Variants in KCNN2 observed in about 807,000 individuals in gnomAD.
The protein encoded by KCNN2 is potassium calcium-activated channel subfamily N member 2, also known as small conductance calcium-activated potassium channel protein 2.
In KCNN2, 24 loss-of-function variants were observed where a neutral mutation model predicts 55.5. The ratio of observed to expected loss-of-function variants is 0.43; its 90% CI spans 0.31 to 0.61. The LOEUF (loss-of-function observed/expected upper bound fraction) is 0.61. Among genes scored for constraint, KCNN2 ranks in the 20% least tolerant of loss-of-function variants. The probability of loss-of-function intolerance (pLI) is 0.08; values close to 1 mark genes in which losing one functional copy is unlikely to be tolerated. For missense variants in KCNN2, 754 were observed against 853.6 expected, an observed-to-expected ratio of 0.88 and a Z score of 1.45; for synonymous variants, 431 against 336.1, an observed-to-expected ratio of 1.28 and a Z score of -3.09.
At chr5:114,217,697 G>A (rs1754035196) in intron 1 of KCNN2, among the ~76,000 whole-genome samples, 2 of 152,130 alleles carry the variant, frequency 1.3e-5, no homozygotes, top group South Asian at 4.1e-4. Flanking sequence ...GTGTGGTCAT[G>A]GCTTTTTAGG....
At chr5:114,482,853 G>A (rs536530748) in intron 5 of KCNN2, among the ~76,000 whole-genome samples, 12 of 152,182 alleles carry the variant, frequency 7.9e-5, no homozygotes, top group African/African-American at 2.6e-4. Flanking sequence ...ATGGTGGGAG[G>A]GAACAGCACA....
chr5:114,297,413 T>C (rs1433166858), intron 2 of KCNN2, among the ~76,000 whole-genome samples: 1 of 152,164 alleles, frequency 6.6e-6, no homozygotes, highest in East Asian at 1.9e-4. Flanking sequence ...TGAAATGATA[T>C]ATTGAATATT....
intron 1 of KCNN2, among the ~76,000 whole-genome samples, chr5:114,202,846 A>G (rs1175742761): frequency 6.6e-6 from 1 of 152,110 alleles, no homozygotes; most frequent in African/African-American, 2.4e-5. Flanking sequence ...TTGGCCTTCC[A>G]AAGTTCTGGG....
intron 2 of KCNN2, among the ~76,000 whole-genome samples, chr5:114,256,215 G>A (rs1231381045): frequency 2.0e-5 from 3 of 151,640 alleles, no homozygotes; most frequent in African/African-American, 7.3e-5. Context: ...TCCATGGTAT[G>A]GGTGTGTGTG....
intron 2 of KCNN2, among the ~76,000 whole-genome samples, chr5:114,307,584 A>G (rs1199068660): frequency 1.3e-5 from 2 of 152,188 alleles, no homozygotes. Context: ...TATAGGAGAC[A>G]ACTCTCACTG....
At chr5:114,296,234 G>T (rs1172555766) in intron 2 of KCNN2, among the ~76,000 whole-genome samples, 1 of 152,138 alleles carries the variant, frequency 6.6e-6, no homozygotes, top group Non-Finnish European at 1.5e-5. Context: ...ACCTCTTATA[G>T]CCTATCAGAA....
chr5:114,271,650 T>C (rs950837873), intron 2 of KCNN2, among the ~76,000 whole-genome samples: 3 of 152,206 alleles, frequency 2.0e-5, no homozygotes, highest in Admixed American at 1.3e-4. Context: ...TTCTTTTCAT[T>C]TCAACAGGTT....
chr5:114,261,017 G>A (rs1419537011), intron 2 of KCNN2, among the ~76,000 whole-genome samples: 1 of 152,062 alleles, frequency 6.6e-6, no homozygotes, highest in African/African-American at 2.4e-5. Context: ...TTATTTTTCT[G>A]GTGTGGTTAT....
chr5:114,369,859 A>G (rs1021038556), intron 2 of KCNN2, among the ~76,000 whole-genome samples: 3 of 152,042 alleles, frequency 2.0e-5, no homozygotes, highest in African/African-American at 4.8e-5. Context: ...AGAGTATCCA[A>G]CCTGTTTCTG....
chr5:114,470,893 A>G (rs1163012900), intron 4 of KCNN2, among the ~76,000 whole-genome samples: 1 of 152,150 alleles, frequency 6.6e-6, no homozygotes, highest in South Asian at 2.1e-4. Context: ...ATCCCTGGAG[A>G]TGAAGATTTG....
rs957814573 is a variant in KCNN2 at position 114,394,663 on chromosome 5, G to T, written c.1219-9775G>T. On this transcript the variant is annotated intron_variant, in intron 2 of 7. Coordinates refer to ENST00000673685, the MANE Select transcript of KCNN2 (RefSeq NM_021614.4). ...TCTATGTCTTTCAAACACTTGTATG[G>T]GTATGAGGCATGGGTTTAACTCTGC... Among the ~76,000 whole-genome samples, 7 of 152,216 alleles carry T rather than the reference G, an allele frequency of 4.6e-5. 1 individual carries two copies. In the Middle Eastern group the frequency reaches 0.01, roughly 222 times the overall value.
intron 1 of KCNN2, among the ~76,000 whole-genome samples, chr5:114,190,507 C>G (rs773236765): frequency 5.9e-5 from 9 of 151,894 alleles, no homozygotes; most frequent in Non-Finnish European, 1.2e-4. Context: ...CATTCATAAG[C>G]ACAAAAACTA....
At chr5:114,269,603 A>G (rs116030801) in intron 2 of KCNN2, among the ~76,000 whole-genome samples, 12,374 of 151,890 alleles carry the variant, frequency 0.081, 619 homozygotes, top group African/African-American at 0.14. Context: ...AACAAACTCC[A>G]ACTAGTTGCA....
At chr5:114,309,655 T>G (rs906349635) in intron 2 of KCNN2, among the ~76,000 whole-genome samples, 1 of 152,196 alleles carries the variant, frequency 6.6e-6, no homozygotes, top group Non-Finnish European at 1.5e-5. Context: ...CTATCATTCA[T>G]GCCAGGCTAG....
At chr5:114,153,731 T>C (rs139836284) in intron 1 of KCNN2, among the ~76,000 whole-genome samples, 32 of 152,224 alleles carry the variant, frequency 2.1e-4, no homozygotes, top group African/African-American at 7.2e-4. Context: ...CAAATATCCC[T>C]GAAAAGATGG....
At chr5:114,151,069 C>T (rs1253183859) in intron 1 of KCNN2, among the ~76,000 whole-genome samples, 1 of 150,142 alleles carries the variant, frequency 6.7e-6, no homozygotes, top group African/African-American at 2.4e-5. Context: ...AGCAAGATTC[C>T]TTTCAGGCAC....
intron 1 of KCNN2, among the ~76,000 whole-genome samples, chr5:114,189,422 G>T (rs1307818746): frequency 6.6e-6 from 1 of 152,118 alleles, no homozygotes; most frequent in Non-Finnish European, 1.5e-5. Context: ...TAATTGATTG[G>T]ATTGAGGCCA....
rs563271695 is a variant in KCNN2, at chr5:114,323,626, A to C, written c.-184-37319A>C. 7.1e-5 allele frequency among the ~76,000 whole-genome samples: 10 copies of C among 140,524 alleles called. No homozygotes were observed. In the South Asian group the frequency reaches 2.2e-3, roughly 31 times the overall value. The allele number at this position is 140,524 out of a possible 152,430, so 92.2% of individuals were successfully genotyped here. A position where few individuals can be genotyped will look rare whatever the true frequency, so the allele number is the denominator to read the frequency against. ...GAAACCATGTTTAGTATAGAGAATA[A>C]GTATCATGATATAAACATATCAATT... On this transcript the variant is annotated intron_variant, in intron 2 of 10. Transcript: ENST00000512097.
intron 2 of KCNN2, among the ~76,000 whole-genome samples, chr5:114,390,860 A>G (rs1253672748): frequency 6.6e-6 from 1 of 152,202 alleles, no homozygotes; most frequent in Non-Finnish European, 1.5e-5. Flanking sequence ...TTGCATGATA[A>G]TCTATCAACA....
Sources: gnomAD v4.1 joint callset for allele counts (sites outside exome capture counted in the v4.1 genomes callset) on GRCh38, gnomAD v4.1.1 for gene constraint, MANE v1.5 for transcripts, NCBI Gene and HGNC (gene_info 2026-07-23, HGNC 2026-07-21) for gene names.